TFB2M: variants seen among roughly 807,000 people sequenced by gnomAD.
TFB2M encodes the protein transcription factor B2, mitochondrial.
TFB2M carries 44 observed loss-of-function variants against 41.3 expected under a neutral mutation model. That is an observed-to-expected ratio of 1.07 (90% CI 0.84 to 1.37). The LOEUF (loss-of-function observed/expected upper bound fraction) is 1.37, where lower values mean the gene tolerates loss of function less well. Among genes scored for constraint, TFB2M ranks in the 40% most tolerant of loss-of-function variants. The probability of loss-of-function intolerance (pLI) is 0.00; values close to 1 mark genes in which losing one functional copy is unlikely to be tolerated. For missense variants in TFB2M, 496 were observed against 490.2 expected, an observed-to-expected ratio of 1.01 and a Z score of -0.11; for synonymous variants, 188 against 176.8, an observed-to-expected ratio of 1.06 and a Z score of -0.50.
At chr1:246,549,514 G>C (rs901498079) in intron 5 of TFB2M, among the ~76,000 whole-genome samples, 1 of 152,134 alleles carries the variant, frequency 6.6e-6, no homozygotes, top group Non-Finnish European at 1.5e-5. Context: ...CCTGGGAGGC[G>C]GAGGTTGCAG....
chr1:246,548,501 C>T (rs750138723), intron 6 of TFB2M, 44 bp downstream of exon 6: 19 of 1,517,800 alleles, frequency 1.3e-5, no homozygotes, highest in East Asian at 6.9e-5. Context: ...ATAAAAAATA[C>T]GTCACGTAGG....
At chr1:246,553,278 A>C (rs2102987518) in intron 4 of TFB2M, among the ~76,000 whole-genome samples, 1 of 152,310 alleles carries the variant, frequency 6.6e-6, no homozygotes, top group Non-Finnish European at 1.5e-5. Context: ...AGGATACAAA[A>C]ATCAGTTGCA....
intron 5 of TFB2M, among the ~76,000 whole-genome samples, chr1:246,549,725 G>A (rs1449978755): frequency 6.6e-6 from 1 of 152,114 alleles, no homozygotes; most frequent in Non-Finnish European, 1.5e-5. Context: ...TGAACACAAG[G>A]TCTGAAAGGC....
intron 2 of TFB2M, among the ~76,000 whole-genome samples, chr1:246,559,085 T>C (rs1304818713): frequency 6.6e-6 from 1 of 152,202 alleles, no homozygotes; most frequent in South Asian, 2.1e-4. Flanking sequence ...TCAACCTATA[T>C]TATCCTATTT....
chr1:246,548,238 G>A (rs989394358), intron 6 of TFB2M, among the ~76,000 whole-genome samples: 6 of 151,958 alleles, frequency 3.9e-5, no homozygotes, highest in African/African-American at 1.5e-4. Flanking sequence ...CTAATTAATC[G>A]AATTAGATAA....
At chr1:246,556,170 T>C (rs1029650282) in intron 4 of TFB2M, among the ~76,000 whole-genome samples, 3 of 152,188 alleles carry the variant, frequency 2.0e-5, no homozygotes, top group Admixed American at 6.5e-5. Context: ...GAAAACATTA[T>C]GCTAAGTGAA....
At chr1:246,545,027 G>T (rs374177196) in intron 6 of TFB2M, among the ~76,000 whole-genome samples, 30 of 150,814 alleles carry the variant, frequency 2.0e-4, no homozygotes, top group Admixed American at 1.2e-3. Flanking sequence ...GGATGGTCTC[G>T]ATCTCCTGAC....
intron 2 of TFB2M, among the ~76,000 whole-genome samples, chr1:246,560,615 G>C (rs1659433080): frequency 6.6e-6 from 1 of 152,218 alleles, no homozygotes; most frequent in Non-Finnish European, 1.5e-5. Flanking sequence ...TCTTGCTTTA[G>C]CACTTGTCAG....
intron 6 of TFB2M, among the ~76,000 whole-genome samples, chr1:246,545,815 A>G (rs372164878): frequency 7.1e-6 from 1 of 140,782 alleles, no homozygotes; most frequent in African/African-American, 3.0e-5. Flanking sequence ...CTGATTCGAA[A>G]AAAAAAAAAA....
intron 2 of TFB2M, among the ~76,000 whole-genome samples, chr1:246,559,195 T>C (rs1411858923): frequency 6.6e-6 from 1 of 152,166 alleles, no homozygotes; most frequent in African/African-American, 2.4e-5. Context: ...GTGATGCTCC[T>C]GTCTCAGCCT....
rs769243930 is a variant in TFB2M at position 246,566,190 on chromosome 1, T to C, written c.-52A>G. ...GAATCACCTAGTGCAGCTACTACAG[T>C]GAACCCCACGCAGGGTATCCCACGT... On this transcript the variant is annotated 5_prime_UTR_variant, in exon 1 of 8. Coordinates refer to ENST00000366514, the MANE Select transcript of TFB2M (RefSeq NM_022366.3). The C allele has an allele frequency of 3.9e-6, 6 of 1,553,150 alleles. No individual in the cohort carries two copies. Among genetic ancestry groups the C allele is most frequent in the Admixed American group, 3.7e-5 (2 of 54,472 alleles).
chr1:246,557,420 A>C lies in TFB2M; in HGVS notation c.517T>G (p.Phe173Val), dbSNP rs777759244. 3.3e-5 allele frequency: 54 copies of C among 1,613,216 alleles called. No individual in the cohort carries two copies. Among genetic ancestry groups the C allele is most frequent in the African/African-American group, 1.3e-5 (1 of 74,882 alleles). ...ACTGCTTCTATTCCCAAATTCTTAAAGAGCCCTCGAGAAGACATAGCAGGT... is the reference window on the plus strand; with the variant it reads ...ACTGCTTCTATTCCCAAATTCTTAACGAGCCCTCGAGAAGACATAGCAGGT... The part of the protein sequence containing the change: ...KPPAMSSRGL[F>V]KNLGIEAVPW... Residue 173 changes from phenylalanine (F) to valine (V), a missense_variant, in exon 3 of 8, where the codon TTT becomes GTT. Physicochemically the swap from Phe to Val is conservative, Grantham distance 50. Transcript: ENST00000366514.
At chr1:246,563,274 G>T (rs1249685040) in intron 2 of TFB2M, among the ~76,000 whole-genome samples, 1 of 151,088 alleles carries the variant, frequency 6.6e-6, no homozygotes, top group Non-Finnish European at 1.5e-5. Flanking sequence ...GTGTGAATAA[G>T]TGTAAGAAAA....
In TFB2M at chr1:246,544,072, T is replaced by C. The variant is rs545121233; in HGVS notation, c.1019+449A>G. ...TACAAGCTATTATTTTTACAAAGCT[T>C]TGGGTAAAAACAAAATTTGATCCAG... is the stretch of plus-strand genomic sequence containing the variant. On this transcript the variant is annotated intron_variant, in intron 7 of 7. Coordinates refer to ENST00000366514, the MANE Select transcript of TFB2M (RefSeq NM_022366.3). Among the ~76,000 whole-genome samples, 25 of 152,278 alleles carry C rather than the reference T, an allele frequency of 1.6e-4. No individual in the cohort carries two copies. In the South Asian group the frequency reaches 5.2e-3, roughly 32 times the overall value.
chr1:246,562,754 G>A (rs1181013969), intron 2 of TFB2M, among the ~76,000 whole-genome samples: 1 of 152,032 alleles, frequency 6.6e-6, no homozygotes, highest in African/African-American at 2.4e-5. Flanking sequence ...CTGAGTCCCG[G>A]GTTCAAGCGA....
At chr1:246,564,924 C>G (rs752137009) in intron 1 of TFB2M, among the ~76,000 whole-genome samples, 1 of 152,236 alleles carries the variant, frequency 6.6e-6, no homozygotes, top group Non-Finnish European at 1.5e-5. Flanking sequence ...AAGGGAACCA[C>G]TCGCCTCGGC....
At chr1:246,558,235 C>T (rs1659374803) in intron 2 of TFB2M, among the ~76,000 whole-genome samples, 1 of 151,572 alleles carries the variant, frequency 6.6e-6, no homozygotes, top group Admixed American at 6.6e-5. Flanking sequence ...CAGCCTTGAC[C>T]TCCTGGGCTT....
intron 4 of TFB2M, among the ~76,000 whole-genome samples, chr1:246,555,388 G>A (rs1659294268): frequency 6.6e-6 from 1 of 152,136 alleles, no homozygotes; most frequent in Admixed American, 6.6e-5. Context: ...CAGAGTTGGA[G>A]GCCAGCCTGA....
chr1:246,547,947 T>TTA (rs1491102638), intron 6 of TFB2M, among the ~76,000 whole-genome samples: 1 of 316 alleles, frequency 3.2e-3, no homozygotes, highest in East Asian at 0.5. Context: ...AATATCACAA[T>TTA]TTTTTTTTTT....
Sources: allele counts gnomAD v4.1 joint callset (sites outside exome capture counted in the v4.1 genomes callset), GRCh38; gene constraint gnomAD v4.1.1; transcripts MANE v1.5; gene names NCBI Gene and HGNC (gene_info 2026-07-23, HGNC 2026-07-21).